IKBIP: variants seen among roughly 807,000 people sequenced by gnomAD.
IKBIP encodes IKBKB interacting protein, also known as inhibitor of nuclear factor kappa-B kinase-interacting protein.
A neutral mutation model predicts 31.0 loss-of-function variants in IKBIP; 28 were observed. The observed-to-expected ratio is 0.90, with a 90% CI of 0.67 to 1.24. The LOEUF is 1.24. IKBIP is among the 50% of genes most tolerant of loss of function. The pLI, the probability that IKBIP is intolerant of heterozygous loss-of-function variation, is 0.00. For synonymous variants in IKBIP, 164 were observed against 160.3 expected (o/e 1.02, Z -0.17); for missense variants, 453 against 441.9 (o/e 1.03, Z -0.23).
intron 1 of IKBIP, among the ~76,000 whole-genome samples, chr12:98,640,126 C>T (rs952608256): frequency 2.6e-5 from 4 of 152,258 alleles, no homozygotes; most frequent in Non-Finnish European, 5.9e-5. Flanking sequence ...ATAACAGATA[C>T]TATAAAAAAC....
intron 1 of IKBIP, among the ~76,000 whole-genome samples, chr12:98,638,724 AC>A (rs1176652046): frequency 6.6e-6 from 1 of 152,130 alleles, no homozygotes; most frequent in African/African-American, 2.4e-5. Context: ...AGCTAGGACC[AC>A]AGGTACATTA....
rs61623957 is a variant in IKBIP at position 98,630,376 on chromosome 12, C to CAAAAAAAAAAAA, written c.298-3622_298-3611dup. Among the ~76,000 whole-genome samples the CAAAAAAAAAAAA allele has an allele frequency of 7.5e-4, 31 of 41,298 alleles. 7 individuals are homozygous for CAAAAAAAAAAAA. Among genetic ancestry groups the CAAAAAAAAAAAA allele is most frequent in the African/African-American group, 2.5e-3 (20 of 8,162 alleles). 27.1% of individuals were successfully genotyped at this position (41,298 alleles called of 152,430 possible). ...CCAGCCTGGGCAACAAGAGCCTGGG[C>CAAAAAAAAAAAA]AAAAAAAAAAAAAAAAAAAAAAAAA... On this transcript the variant is annotated intron_variant, in intron 2 of 2. Coordinates refer to ENST00000299157, the MANE Select transcript of IKBIP (RefSeq NM_153687.4).
At chr12:98,644,358 G>GA (rs2097635575) in intron 1 of IKBIP, among the ~76,000 whole-genome samples, 165 bp downstream of exon 1, 1 of 152,158 alleles carries the variant, frequency 6.6e-6, no homozygotes, top group South Asian at 2.1e-4. Context: ...GCCCGAAAGG[G>GA]AAAAACAAGG....
At chr12:98,628,521 C>T (rs1241386317) in intron 2 of IKBIP, among the ~76,000 whole-genome samples, 2 of 152,218 alleles carry the variant, frequency 1.3e-5, no homozygotes, top group Admixed American at 1.3e-4. Context: ...AGGCTCAGAC[C>T]GGATCTCAGC....
Position 98,626,384 on chromosome 12 carries a change from A to C in IKBIP, c.680T>G (p.Val227Gly). ...TGTATCAGAGCCTAGCTGCTCCTCTACTCGCAGGAGATCTTCTTCTTCTTG... is the reference window on the plus strand; with the variant it reads ...TGTATCAGAGCCTAGCTGCTCCTCTCCTCGCAGGAGATCTTCTTCTTCTTG... ...KRQEEEDLLR[V>G]EEQLGSDTKA... Residue 227 changes from valine to glycine, a missense_variant, in exon 3 of 3, where the codon GTA (valine) becomes GGA (glycine). Coordinates refer to ENST00000299157, the MANE Select transcript of IKBIP (RefSeq NM_153687.4). 6.2e-7 allele frequency: 1 copy of C among 1,613,766 alleles called. No individual in the cohort carries two copies. The highest frequency in any genetic ancestry group is 8.5e-7 in the Non-Finnish European group (1 of 1,179,998).
At position 98,625,714 on chromosome 12, in the gene IKBIP, T is replaced by G. The variant is rs150105900; in HGVS notation, c.*216A>C. ...TCTTGTTTTAAAAGTAGAGAAATAT[T>G]TTTAAAGAACTATTTCTATTTCAAA... On this transcript the variant is annotated 3_prime_UTR_variant, in exon 3 of 3. Transcript: ENST00000299157. 529 of 290,404 alleles carry G rather than the reference T, an allele frequency of 1.8e-3. 4 individuals carry two copies. Among genetic ancestry groups the G allele is most frequent in the African/African-American group, 0.011 (501 of 46,638 alleles). 18.0% of individuals were successfully genotyped at this position (290,404 alleles called of 1,614,324 possible). A position where few individuals can be genotyped will look rare whatever the true frequency, so the allele number is the denominator to read the frequency against.
intron 1 of IKBIP, among the ~76,000 whole-genome samples, 185 bp downstream of exon 1, chr12:98,644,338 T>C (rs1193518428): frequency 3.9e-5 from 6 of 152,064 alleles, no homozygotes; most frequent in African/African-American, 9.7e-5. Context: ...GGAAATGAGA[T>C]ACAAGAAACG....
chr12:98,619,316 C>G (rs1160523560), downstream of IKBIP, among the ~76,000 whole-genome samples: 1 of 152,166 alleles, frequency 6.6e-6, no homozygotes, highest in Non-Finnish European at 1.5e-5. Flanking sequence ...TGTATCTACT[C>G]TGGTAAAAGT....
chr12:98,633,780 G>C (rs1391351217), intron 2 of IKBIP, among the ~76,000 whole-genome samples: 1 of 152,038 alleles, frequency 6.6e-6, no homozygotes, highest in Non-Finnish European at 1.5e-5. Context: ...GCCTCCCACA[G>C]TGCTGGGATT....
At chr12:98,644,501 A>G (rs1369534004) in intron 1 of IKBIP, 22 bp downstream of exon 1, 2 of 1,565,512 alleles carry the variant, frequency 1.3e-6, no homozygotes, top group Admixed American at 1.9e-5. Context: ...AGGCCGGCCC[A>G]GGCAGCCTCG....
At chr12:98,631,540 C>T (rs2097620196) in intron 2 of IKBIP, among the ~76,000 whole-genome samples, 1 of 150,626 alleles carries the variant, frequency 6.6e-6, no homozygotes, top group Non-Finnish European at 1.5e-5. Context: ...CTCGGCCCCT[C>T]AAAGTGCTGG....
chr12:98,625,370 G>C lies in IKBIP; in HGVS notation c.*560C>G. 1.2e-6 allele frequency: 1 copy of C among 834,746 alleles called. No homozygotes were observed. The highest frequency in any genetic ancestry group is 1.4e-6 in the Non-Finnish European group (1 of 692,550). The allele number at this position is 834,746 out of a possible 1,614,324, so 51.7% of individuals were successfully genotyped here. ...TATTAATTCATAGCAAAGGCACCAG[G>C]CTCTCCCTCAGGCATGTTATCTTTT... On this transcript the variant is annotated 3_prime_UTR_variant, in exon 3 of 3. Coordinates refer to ENST00000299157, the MANE Select transcript of IKBIP (RefSeq NM_153687.4).
downstream of IKBIP, among the ~76,000 whole-genome samples, chr12:98,619,863 C>A (rs1364452487): frequency 5.1e-5 from 7 of 138,274 alleles, no homozygotes; most frequent in Non-Finnish European, 1.1e-4. Context: ...CAGAACCAGA[C>A]CCTTTCTCAG....
At chr12:98,632,695 C>G (rs1012942511) in intron 2 of IKBIP, among the ~76,000 whole-genome samples, 3 of 143,504 alleles carry the variant, frequency 2.1e-5, no homozygotes, top group Non-Finnish European at 3.0e-5. Context: ...GATCTCAGCT[C>G]ACTTCTGAAA....
At chr12:98,636,767 C>T (rs12304434) in intron 1 of IKBIP, among the ~76,000 whole-genome samples, 2,674 of 151,454 alleles carry the variant, frequency 0.018, 74 homozygotes, top group African/African-American at 0.058. Flanking sequence ...TTTTCATTGG[C>T]TGTTTCATTT....
Position 98,625,040 on chromosome 12 carries a change from G to A in IKBIP, c.*890C>T, listed in dbSNP as rs1239951861. ...CAGATGGTCTTGATCTCCTGACTTC[G>A]TGATCTGCCCACCTCGGCCTCCCAA... On this transcript the variant is annotated 3_prime_UTR_variant, in exon 3 of 3. Transcript: ENST00000299157. 5 of 623,780 alleles carry A rather than the reference G, an allele frequency of 8.0e-6. No individual in the cohort carries two copies. The highest frequency in any genetic ancestry group is 7.2e-5 in the South Asian group (1 of 13,966). 38.6% of individuals were successfully genotyped at this position (623,780 alleles called of 1,614,324 possible).
rs574971081 is a variant in IKBIP, at chr12:98,641,897, C to T, written c.179+2626G>A. 1.9e-3 allele frequency among the ~76,000 whole-genome samples: 286 copies of T among 152,314 alleles called. 1 individual carries two copies. Among genetic ancestry groups the T allele is most frequent in the African/African-American group, 6.6e-3 (274 of 41,568 alleles). On this transcript the variant is annotated intron_variant, in intron 1 of 2. Coordinates refer to ENST00000299157, the MANE Select transcript of IKBIP (RefSeq NM_153687.4). ...TTCAAACTCCTGACCTCAAGCAATT[C>T]TCTCGCCTCAGTTTCCCAAAGTGTT...
chr12:98,641,284 C>A (rs1437987067), intron 1 of IKBIP, among the ~76,000 whole-genome samples: 1 of 152,076 alleles, frequency 6.6e-6, no homozygotes, highest in East Asian at 1.9e-4. Context: ...CACAGACAGG[C>A]ACACATATGC....
Position 98,624,827 on chromosome 12 carries a change from C to T in IKBIP, c.*1103G>A. On this transcript the variant is annotated 3_prime_UTR_variant, in exon 3 of 3. Coordinates refer to ENST00000299157, the MANE Select transcript of IKBIP (RefSeq NM_153687.4). ...TTATTTATTTATTTATTTATTGAGA[C>T]AGAGTCTCACTTTGCCACTCAGGCT... 1.3e-6 allele frequency: 1 copy of T among 774,996 alleles called. No homozygotes were observed. The highest frequency in any genetic ancestry group is 1.3e-4 in the East Asian group (1 of 7,776). The allele number at this position is 774,996 out of a possible 1,614,324, so 48.0% of individuals were successfully genotyped here. A position where few individuals can be genotyped will look rare whatever the true frequency, so the allele number is the denominator to read the frequency against.
Sources: allele counts gnomAD v4.1 joint callset (sites outside exome capture counted in the v4.1 genomes callset), GRCh38; gene constraint gnomAD v4.1.1; transcripts MANE v1.5; gene names NCBI Gene and HGNC (gene_info 2026-07-23, HGNC 2026-07-21).